Variants in PHIP observed in about 807,000 individuals in gnomAD.
The protein encoded by PHIP is PH-interacting protein.
In PHIP, 54 loss-of-function variants were observed where a neutral mutation model predicts 236.8. The observed-to-expected ratio is 0.23, with a 90% CI of 0.18 to 0.29. The LOEUF is 0.29. PHIP is among the 10% of genes least tolerant of loss of function. The pLI is 1.00. For missense variants in PHIP, 1,370 were observed against 2,190.8 expected (o/e 0.63, Z 7.48); for synonymous variants, 756 against 718.9 (o/e 1.05, Z -0.83).
intron 38 of PHIP, 128 bp downstream of exon 38, chr6:78,945,869 AAATT>A: frequency 2.9e-6 from 2 of 689,440 alleles, no homozygotes; most frequent in South Asian, 4.2e-5. Context: ...TTAAAATAGG[AAATT>A]AATAAAGAAG....
chr6:79,061,049 A>T (rs1773347544), intron 4 of PHIP, among the ~76,000 whole-genome samples: 1 of 152,214 alleles, frequency 6.6e-6, no homozygotes, highest in Non-Finnish European at 1.5e-5. Context: ...AACCTTACAG[A>T]GAGAAAGGCA....
At chr6:78,989,963 G>C (rs970681809) in intron 20 of PHIP, among the ~76,000 whole-genome samples, 1 of 151,852 alleles carries the variant, frequency 6.6e-6, no homozygotes, top group Non-Finnish European at 1.5e-5. Context: ...CTGATCCCAG[G>C]GTATGATACA....
At chr6:79,027,467 G>A (rs1256140780) in intron 7 of PHIP, among the ~76,000 whole-genome samples, 1 of 152,040 alleles carries the variant, frequency 6.6e-6, no homozygotes, top group Admixed American at 6.6e-5. Flanking sequence ...GGTTAAAATG[G>A]ATGGCCTTTA....
intron 24 of PHIP, among the ~76,000 whole-genome samples, chr6:78,972,924 G>C (rs1046648199): frequency 1.3e-5 from 2 of 152,158 alleles, no homozygotes; most frequent in East Asian, 3.9e-4. Flanking sequence ...GAAAGTGATG[G>C]GGAGAATGGA....
chr6:78,945,540 C>T (rs779126858), intron 38 of PHIP, 43 bp from the exon 39 acceptor site: 14 of 1,218,616 alleles, frequency 1.1e-5, no homozygotes, highest in Middle Eastern at 2.0e-4. Flanking sequence ...AGTTATTGAA[C>T]CTAAAGATAA....
At chr6:79,021,203 G>C (rs1771100770) in intron 9 of PHIP, among the ~76,000 whole-genome samples, 2 of 151,440 alleles carry the variant, frequency 1.3e-5, no homozygotes, top group South Asian at 4.2e-4. Flanking sequence ...GTGAAATGCA[G>C]TGACGCTATC....
At chr6:79,033,182 T>C (rs569001083) in intron 7 of PHIP, among the ~76,000 whole-genome samples, 6 of 152,238 alleles carry the variant, frequency 3.9e-5, no homozygotes, top group African/African-American at 1.4e-4. Context: ...ACAAGCAAAG[T>C]AGTTTAGCAT....
chr6:78,995,433 G>T (rs564525252), intron 19 of PHIP, among the ~76,000 whole-genome samples: 1 of 152,290 alleles, frequency 6.6e-6, no homozygotes, highest in Admixed American at 6.5e-5. Context: ...AGGATTTTAG[G>T]AAAGTGCAAA....
Position 78,978,722 on chromosome 6 carries a change from T to G in PHIP, c.2770-11A>C. 1 of 1,589,762 alleles carries G rather than the reference T, an allele frequency of 6.3e-7. No individual in the cohort carries two copies. Among genetic ancestry groups the G allele is most frequent in the African/African-American group, 1.3e-5 (1 of 74,664 alleles). On this transcript the variant is annotated splice_polypyrimidine_tract_variant and intron_variant, in intron 23 of 39. Coordinates refer to ENST00000275034, the MANE Select transcript of PHIP (RefSeq NM_017934.7). ...TCCCACAGCCAATCTCTGACAAAAT[T>G]TAAGTAATAATTGTTAAGTAATAAT...
chr6:78,967,539 G>C (rs1443565413), intron 27 of PHIP, among the ~76,000 whole-genome samples: 1 of 152,220 alleles, frequency 6.6e-6, no homozygotes, highest in African/African-American at 2.4e-5. Context: ...TTTCCGAGGA[G>C]GGGCTGAAGT....
At chr6:78,955,455 A>G (rs1339736475) in intron 33 of PHIP, among the ~76,000 whole-genome samples, 158 bp downstream of exon 33, 1 of 151,730 alleles carries the variant, frequency 6.6e-6, no homozygotes, top group Non-Finnish European at 1.5e-5. Flanking sequence ...TTTTTTAACT[A>G]TAAGAAGAAT....
At chr6:78,956,545 G>A (rs1273100464) in intron 32 of PHIP, 1 of 152,070 alleles carries the variant, frequency 6.6e-6, no homozygotes, top group Non-Finnish European at 1.5e-5. Flanking sequence ...CTTGCTCTCA[G>A]AGCTTATATT....
At chr6:78,981,470 G>A (rs757009336) in intron 23 of PHIP, among the ~76,000 whole-genome samples, 4 of 151,938 alleles carry the variant, frequency 2.6e-5, no homozygotes, top group Non-Finnish European at 4.4e-5. Flanking sequence ...AATTCTATTG[G>A]CAGAGTCATC....
intron 17 of PHIP, 62 bp from the exon 18 acceptor site, chr6:78,998,453 C>G (rs1769768800): frequency 7.3e-7 from 1 of 1,365,818 alleles, no homozygotes; most frequent in South Asian, 1.2e-5. Flanking sequence ...ATTTTACTCA[C>G]CAACCTCACT....
At chr6:78,974,211 G>C (rs1475537997) in intron 24 of PHIP, among the ~76,000 whole-genome samples, 1 of 152,114 alleles carries the variant, frequency 6.6e-6, no homozygotes, top group Non-Finnish European at 1.5e-5. Context: ...TAGAATTCAG[G>C]ATTAAGAATC....
intron 2 of PHIP, 27 bp from the exon 3 acceptor site, chr6:79,077,756 AGCCCCGCGCCCCGGGCCGCG>A: frequency 1.0e-6 from 1 of 982,132 alleles, no homozygotes. Context: ...GGGAGAGCTG[AGCCCCGCGCCCCGGGCCGCG>A]GCCCCGCCGC....
intron 23 of PHIP, among the ~76,000 whole-genome samples, chr6:78,980,962 A>G (rs1460244809): frequency 1.3e-5 from 2 of 152,080 alleles, no homozygotes; most frequent in African/African-American, 4.8e-5. Flanking sequence ...GGTAAGTTGT[A>G]TATTAAATAA....
chr6:78,981,565 A>G (rs1768536109), intron 23 of PHIP, among the ~76,000 whole-genome samples: 1 of 152,040 alleles, frequency 6.6e-6, no homozygotes, highest in Non-Finnish European at 1.5e-5. Context: ...CAGTGCATGA[A>G]GGAGCCCATG....
intron 15 of PHIP, among the ~76,000 whole-genome samples, chr6:79,008,854 T>C (rs1770432741): frequency 6.6e-6 from 1 of 152,080 alleles, no homozygotes; most frequent in Non-Finnish European, 1.5e-5. Context: ...CCTTATGTCT[T>C]TCATATTTCC....
Sources: gnomAD v4.1 joint callset for allele counts (sites outside exome capture counted in the v4.1 genomes callset) on GRCh38, gnomAD v4.1.1 for gene constraint, MANE v1.5 for transcripts, NCBI Gene and HGNC (gene_info 2026-07-23, HGNC 2026-07-21) for gene names.